ZNF536: variants seen among roughly 807,000 people sequenced by gnomAD.
ZNF536 encodes the protein zinc finger protein 536.
A neutral mutation model predicts 84.5 loss-of-function variants in ZNF536; 13 were observed. That is an observed-to-expected ratio of 0.15 (90% CI 0.10 to 0.24). The LOEUF (loss-of-function observed/expected upper bound fraction) is 0.24. ZNF536 is among the 10% of genes least tolerant of loss of function. The pLI, the probability that ZNF536 is intolerant of heterozygous loss-of-function variation, is 1.00. For synonymous variants in ZNF536, 811 were observed against 742.5 expected (o/e 1.09, Z -1.50); for missense variants, 1,536 against 1,747.5 (o/e 0.88, Z 2.16).
intron 2 of ZNF536, among the ~76,000 whole-genome samples, chr19:30,351,624 T>C (rs906253094): frequency 6.6e-6 from 1 of 152,136 alleles, no homozygotes; most frequent in Non-Finnish European, 1.5e-5. Context: ...GGCTGCTATA[T>C]TTGAGCACGG....
chr19:30,658,440 T>C (rs950329834), intron 1 of ZNF536, among the ~76,000 whole-genome samples: 3 of 152,114 alleles, frequency 2.0e-5, no homozygotes, highest in African/African-American at 7.2e-5. Context: ...ACAGATCTTC[T>C]CTCCGATCTT....
intron 2 of ZNF536, among the ~76,000 whole-genome samples, chr19:30,531,363 T>C (rs1422993089): frequency 6.6e-6 from 1 of 152,018 alleles, no homozygotes; most frequent in Non-Finnish European, 1.5e-5. Flanking sequence ...TTATCTGTAA[T>C]GTGGCCTGGG....
intron 1 of ZNF536, among the ~76,000 whole-genome samples, chr19:30,410,703 C>T (rs1294416590): frequency 1.1e-4 from 16 of 152,164 alleles, no homozygotes; most frequent in African/African-American, 3.4e-4. Context: ...TGGTCTCGAT[C>T]TCCTGACCTC....
rs1320177393 is a variant in ZNF536 at position 30,663,460 on chromosome 19, C to T, written c.170-47297C>T. ...TATAAGTTTCCCCAACTTCTCCAGCCGCCATTATACGACGCCTTCCAAATA... is the reference window on the plus strand; with the variant it reads ...TATAAGTTTCCCCAACTTCTCCAGCTGCCATTATACGACGCCTTCCAAATA... On this transcript the variant is annotated intron_variant, in intron 1 of 1. Coordinates refer to the ZNF536 transcript ENST00000592773. 2.6e-5 allele frequency among the ~76,000 whole-genome samples: 4 copies of T among 152,268 alleles called. No homozygotes were observed. In the South Asian group the frequency reaches 6.2e-4, roughly 24 times the overall value.
chr19:30,404,051 T>G (rs1349660216), intron 1 of ZNF536, among the ~76,000 whole-genome samples: 1 of 151,246 alleles, frequency 6.6e-6, no homozygotes, highest in Non-Finnish European at 1.5e-5. Context: ...TGCTGTTCAT[T>G]TAGAATCTCC....
chr19:30,702,573 C>A (rs2052031198), intron 1 of ZNF536, among the ~76,000 whole-genome samples: 1 of 152,052 alleles, frequency 6.6e-6, no homozygotes, highest in South Asian at 2.1e-4. Flanking sequence ...GAAAAGTCTT[C>A]CCAATTCTCT....
intron 1 of ZNF536, among the ~76,000 whole-genome samples, chr19:30,398,118 G>C (rs906176274): frequency 7.9e-5 from 12 of 152,172 alleles, no homozygotes; most frequent in African/African-American, 2.7e-4. Flanking sequence ...AATAGCAAAA[G>C]CAGGAAACCA....
intron 2 of ZNF536, among the ~76,000 whole-genome samples, chr19:30,335,224 G>C (rs1198228997): frequency 6.6e-6 from 1 of 152,210 alleles, no homozygotes; most frequent in African/African-American, 2.4e-5. Context: ...TGCCACCTAT[G>C]AACAGTGTGA....
chr19:30,472,929 C>T (rs1276904894), intron 2 of ZNF536, among the ~76,000 whole-genome samples: 1 of 151,692 alleles, frequency 6.6e-6, no homozygotes, highest in Non-Finnish European at 1.5e-5. Context: ...AGGTGGCTCA[C>T]ACCTGTAATC....
intron 2 of ZNF536, among the ~76,000 whole-genome samples, chr19:30,502,092 T>C (rs1256366521): frequency 6.6e-6 from 1 of 152,202 alleles, no homozygotes; most frequent in Non-Finnish European, 1.5e-5. Context: ...TGGACGAAGT[T>C]GACATACCCA....
chr19:30,404,348 C>T (rs1336745622), intron 1 of ZNF536, among the ~76,000 whole-genome samples: 2 of 152,154 alleles, frequency 1.3e-5, no homozygotes, highest in Non-Finnish European at 2.9e-5. Flanking sequence ...ACCCCAGCAT[C>T]CCTGGAACTC....
intron 1 of ZNF536, among the ~76,000 whole-genome samples, chr19:30,382,805 C>T (rs59891604): frequency 0.046 from 6,951 of 151,952 alleles, 545 homozygotes; most frequent in African/African-American, 0.16. Flanking sequence ...CTGCGGTGGG[C>T]GGCTCTGACT....
At chr19:30,598,848 T>C (rs1032733696) in intron 1 of ZNF536, among the ~76,000 whole-genome samples, 2 of 152,142 alleles carry the variant, frequency 1.3e-5, no homozygotes, top group Admixed American at 6.5e-5. Flanking sequence ...CTTCTCTCTT[T>C]TCTTTTCTTC....
At chr19:30,492,895 T>G (rs1283429945) in intron 2 of ZNF536, among the ~76,000 whole-genome samples, 1 of 152,120 alleles carries the variant, frequency 6.6e-6, no homozygotes, top group Non-Finnish European at 1.5e-5. Context: ...AATTTCAAAG[T>G]CAGCCACACC....
intron 1 of ZNF536, among the ~76,000 whole-genome samples, chr19:30,414,023 G>A (rs2050607646): frequency 6.7e-6 from 1 of 149,968 alleles, no homozygotes. Flanking sequence ...AATCTGGGAG[G>A]TGGAGGTTGC....
Position 30,633,865 on chromosome 19 carries a change from C to T in ZNF536, c.170-76892C>T, listed in dbSNP as rs145733657. The stretch of plus-strand genomic sequence containing the variant: ...CAGGGGTTACAGGCATGAGCCATTA[C>T]ACCTGGCCAATATTAGATTTTAAAC... On this transcript the variant is annotated intron_variant, in intron 1 of 1. Transcript: ENST00000592773. 3.5e-3 allele frequency among the ~76,000 whole-genome samples: 529 copies of T among 152,256 alleles called. 6 individuals carry two copies. Among genetic ancestry groups the T allele is most frequent in the Non-Finnish European group, 1.7e-3 (118 of 68,028 alleles).
intron 2 of ZNF536, among the ~76,000 whole-genome samples, chr19:30,494,077 TAATA>T (rs2054617880): frequency 6.6e-6 from 1 of 152,192 alleles, no homozygotes; most frequent in African/African-American, 2.4e-5. Flanking sequence ...ACTAAAATAA[TAATA>T]AAACTTCCTT....
At chr19:30,277,708 C>T (rs568178757) in intron 1 of ZNF536, among the ~76,000 whole-genome samples, 1 of 152,318 alleles carries the variant, frequency 6.6e-6, no homozygotes, top group South Asian at 2.1e-4. Context: ...CGCCTGTGTG[C>T]GGAGGCCTGA....
rs192867659 is a variant in ZNF536, at chr19:30,683,442, G to C, written c.170-27315G>C. ...CAAGGAGTGTTATGGTGTTAGAGCTGTTTCTATGATTGCGGATATGTTCTG... is the reference window on the plus strand; with the variant it reads ...CAAGGAGTGTTATGGTGTTAGAGCTCTTTCTATGATTGCGGATATGTTCTG... On this transcript the variant is annotated intron_variant, in intron 1 of 1. Coordinates refer to the ZNF536 transcript ENST00000592773. 1.4e-4 allele frequency among the ~76,000 whole-genome samples: 21 copies of C among 152,274 alleles called. No individual in the cohort carries two copies. In the East Asian group the frequency reaches 3.7e-3, roughly 27 times the overall value.
Sources: allele counts gnomAD v4.1 joint callset (sites outside exome capture counted in the v4.1 genomes callset), GRCh38; gene constraint gnomAD v4.1.1; transcripts MANE v1.5; gene names NCBI Gene and HGNC (gene_info 2026-07-23, HGNC 2026-07-21).